ATP13A4: variants seen among roughly 807,000 people sequenced by gnomAD.
ATP13A4 encodes probable cation-transporting ATPase 13A4.
Under a neutral mutation model 142.5 loss-of-function variants are expected in ATP13A4, and 114 were observed. The observed-to-expected ratio is 0.80, with a 90% CI of 0.69 to 0.93. The LOEUF (loss-of-function observed/expected upper bound fraction) is 0.93, where lower values mean the gene tolerates loss of function less well. Ranked by LOEUF, ATP13A4 falls within the 40% of genes least tolerant of loss-of-function variation. The pLI, the probability that ATP13A4 is intolerant of heterozygous loss-of-function variation, is 0.00. For synonymous variants in ATP13A4, 488 were observed against 514.8 expected (o/e 0.95, Z 0.70); for missense variants, 1,392 against 1,454.0 (o/e 0.96, Z 0.69).
At chr3:193,415,676 C>T (rs1277721048) in intron 25 of ATP13A4, among the ~76,000 whole-genome samples, 2 of 152,330 alleles carry the variant, frequency 1.3e-5, no homozygotes, top group South Asian at 4.1e-4. Context: ...CCACCTAACA[C>T]AGAACTCACT....
Position 193,440,508 on chromosome 3 carries a change from C to T in ATP13A4, c.2519+50G>A, listed in dbSNP as rs775519502. ...CTGGTACCTCTTCCACTCCCCCTGA[C>T]TGTTATGCCTCCATGCAGTTCATGC... On this transcript the variant is annotated intron_variant, in intron 21 of 29. Coordinates refer to ENST00000342695, the MANE Select transcript of ATP13A4 (RefSeq NM_032279.4). The T allele has an allele frequency of 9.3e-6, 15 of 1,612,116 alleles. 1 individual carries two copies. The South Asian group carries it at 1.3e-4, about 14-fold the overall frequency.
chr3:193,523,969 G>A (rs1178037757), intron 1 of ATP13A4, among the ~76,000 whole-genome samples: 1 of 152,050 alleles, frequency 6.6e-6, no homozygotes, highest in African/African-American at 2.4e-5. Flanking sequence ...TTCCTCTCTT[G>A]CCATGATCTT....
At chr3:193,476,993 C>G (rs571121323) in intron 8 of ATP13A4, among the ~76,000 whole-genome samples, 1 of 151,968 alleles carries the variant, frequency 6.6e-6, no homozygotes, top group Admixed American at 6.6e-5. Flanking sequence ...GAAGACAGCA[C>G]ACGCTTTTAG....
Position 193,502,596 on chromosome 3 carries a change from T to G in ATP13A4, c.278A>C (p.Tyr93Ser). 6.2e-7 allele frequency: 1 copy of G among 1,613,852 alleles called. No individual in the cohort carries two copies. The stretch of plus-strand genomic sequence containing the variant: ...AAATGCGCTGTTTAATGCTGACAGG[T>G]AGATCCATATTACCTTTTTCCAAGA... ...IYSWKKVIWIYLSALNSAFGL... is the reference protein window; with the variant it reads ...IYSWKKVIWISLSALNSAFGL... Residue 93 changes from tyrosine to serine, a missense_variant, in exon 3 of 30, where the codon TAC (tyrosine) becomes TCC (serine). Coordinates refer to ENST00000342695, the MANE Select transcript of ATP13A4 (RefSeq NM_032279.4).
rs578124280 is a variant in ATP13A4 at position 193,474,146 on chromosome 3, C to T, written c.809-3153G>A. ...CATCCTGGTCAACATGATGAAACCC[C>T]GTCTCTACTAAAAATACAAAAAATG... On this transcript the variant is annotated intron_variant, in intron 8 of 29. Transcript: ENST00000342695. 1.5e-3 allele frequency among the ~76,000 whole-genome samples: 220 copies of T among 151,554 alleles called. 1 individual carries two copies. Among genetic ancestry groups the T allele is most frequent in the Non-Finnish European group, 2.4e-3 (164 of 67,864 alleles).
intron 1 of ATP13A4, among the ~76,000 whole-genome samples, chr3:193,540,714 AAT>A (rs1304939959): frequency 1.3e-5 from 2 of 151,972 alleles, no homozygotes; most frequent in South Asian, 2.1e-4. Context: ...TAAGTATTTT[AAT>A]ATGAGGGAAA....
rs1349072649 is a variant in ATP13A4, at chr3:193,420,869, C to A, written c.2843-6119G>T. On this transcript the variant is annotated intron_variant, in intron 25 of 29. Coordinates refer to ENST00000342695, the MANE Select transcript of ATP13A4 (RefSeq NM_032279.4). Reference sequence around the variant, plus strand: ...TTTGAAATTACCCAGTCAGAGGAAGCAAAGAAAAAATGAATATAAAAGAAC... The same window carrying A: ...TTTGAAATTACCCAGTCAGAGGAAGAAAAGAAAAAATGAATATAAAAGAAC... 2.0e-5 allele frequency among the ~76,000 whole-genome samples: 3 copies of A among 148,122 alleles called. No individual in the cohort carries two copies. The East Asian group carries it at 6.4e-4, about 31-fold the overall frequency.
At chr3:193,475,060 C>T (rs1050551308) in intron 8 of ATP13A4, among the ~76,000 whole-genome samples, 1 of 152,018 alleles carries the variant, frequency 6.6e-6, no homozygotes, top group African/African-American at 2.4e-5. Flanking sequence ...TGTAAACTGG[C>T]ACAATCTTTA....
intron 8 of ATP13A4, among the ~76,000 whole-genome samples, chr3:193,482,758 T>C (rs1300890767): frequency 6.6e-6 from 1 of 152,208 alleles, no homozygotes; most frequent in Non-Finnish European, 1.5e-5. Context: ...CCAAGTGTTG[T>C]CAAGAATGTG....
chr3:193,430,885 T>G (rs996489065), intron 25 of ATP13A4, among the ~76,000 whole-genome samples: 3 of 151,988 alleles, frequency 2.0e-5, no homozygotes, highest in Non-Finnish European at 4.4e-5. Flanking sequence ...CTCTTACTAT[T>G]GTGTAAATGG....
At chr3:193,476,967 C>T (rs190430626) in intron 8 of ATP13A4, among the ~76,000 whole-genome samples, 111 of 152,042 alleles carry the variant, frequency 7.3e-4, no homozygotes, top group African/African-American at 2.5e-3. Context: ...GTTATCAACA[C>T]GTGACACAGA....
chr3:193,462,395 G>A (rs1176752054), intron 13 of ATP13A4, among the ~76,000 whole-genome samples: 1 of 152,058 alleles, frequency 6.6e-6, no homozygotes, highest in Non-Finnish European at 1.5e-5. Flanking sequence ...ACATCAAGAG[G>A]CTTCAGCTTG....
intron 25 of ATP13A4, among the ~76,000 whole-genome samples, chr3:193,425,948 C>T (rs778673274): frequency 2.0e-4 from 31 of 151,666 alleles, no homozygotes; most frequent in South Asian, 1.0e-3. Flanking sequence ...TATTACACAA[C>T]GTATACATGT....
chr3:193,443,044 A>G (rs1716740442), intron 18 of ATP13A4, among the ~76,000 whole-genome samples: 1 of 152,214 alleles, frequency 6.6e-6, no homozygotes, highest in African/African-American at 2.4e-5. Flanking sequence ...AATTTGGAGA[A>G]GCAACCTACA....
chr3:193,436,496 G>A (rs1412789678), intron 23 of ATP13A4, among the ~76,000 whole-genome samples: 1 of 151,618 alleles, frequency 6.6e-6, no homozygotes, highest in African/African-American at 2.4e-5. Flanking sequence ...CACCCAGGCT[G>A]GAGTGCAGTG....
chr3:193,468,746 C>CA (rs1218111835), intron 9 of ATP13A4, among the ~76,000 whole-genome samples: 2 of 151,884 alleles, frequency 1.3e-5, no homozygotes, highest in Non-Finnish European at 2.9e-5. Context: ...CACTCTGTCT[C>CA]AAAAAAGGAA....
In ATP13A4 at chr3:193,531,094, A is replaced by C. The variant is rs1296724724; in HGVS notation, c.61-16223T>G. ...GATTCCTTTCAGTTAGCACTTTTCA[A>C]TGAAGCCGTCCAGGAGTGGGTCGTG... On this transcript the variant is annotated intron_variant, in intron 1 of 29. Coordinates refer to ENST00000342695, the MANE Select transcript of ATP13A4 (RefSeq NM_032279.4). Among the ~76,000 whole-genome samples the C allele has an allele frequency of 3.3e-5, 5 of 152,012 alleles. No homozygotes were observed. In the East Asian group the frequency reaches 9.7e-4, roughly 29 times the overall value.
At chr3:193,427,722 A>G (rs942762272) in intron 25 of ATP13A4, among the ~76,000 whole-genome samples, 4 of 152,200 alleles carry the variant, frequency 2.6e-5, no homozygotes, top group Admixed American at 6.5e-5. Context: ...GGTGCTGGGA[A>G]AACTGGCTAG....
intron 2 of ATP13A4, among the ~76,000 whole-genome samples, chr3:193,571,055 G>A (rs907033011): frequency 3.9e-5 from 6 of 152,012 alleles, no homozygotes; most frequent in African/African-American, 1.4e-4. Context: ...AGGCGGGTGG[G>A]TCAACTGAGG....
Sources: gnomAD v4.1 joint callset for allele counts (sites outside exome capture counted in the v4.1 genomes callset) on GRCh38, gnomAD v4.1.1 for gene constraint, MANE v1.5 for transcripts, NCBI Gene and HGNC (gene_info 2026-07-23, HGNC 2026-07-21) for gene names.